OCA2: variants seen among roughly 807,000 people sequenced by gnomAD.
OCA2 encodes OCA2 melanosomal transmembrane protein, also known as P protein.
In OCA2, 77 loss-of-function variants were observed where a neutral mutation model predicts 100.2. The ratio of observed to expected loss-of-function variants is 0.77; its 90% CI spans 0.64 to 0.93. OCA2 has a LOEUF of 0.93. Ranked by LOEUF, OCA2 falls within the 40% of genes least tolerant of loss-of-function variation. The pLI is 0.00. For missense variants in OCA2, 1,062 were observed against 1,089.1 expected, an observed-to-expected ratio of 0.98 and a Z score of 0.35; for synonymous variants, 432 against 439.2, an observed-to-expected ratio of 0.98 and a Z score of 0.21.
At chr15:27,971,734 GT>G (rs1471500866) in intron 14 of OCA2, among the ~76,000 whole-genome samples, 1 of 152,212 alleles carries the variant, frequency 6.6e-6, no homozygotes, top group Non-Finnish European at 1.5e-5. Context: ...ATGTGGACGA[GT>G]TTTCAGATGT....
chr15:28,008,343 A>G (rs1031595518), intron 9 of OCA2, among the ~76,000 whole-genome samples: 1 of 152,246 alleles, frequency 6.6e-6, no homozygotes, highest in Admixed American at 6.5e-5. Context: ...AATTTAGCCT[A>G]AATACTTGTC....
At chr15:28,019,027 T>C (rs1295462294) in intron 6 of OCA2, among the ~76,000 whole-genome samples, 1 of 152,218 alleles carries the variant, frequency 6.6e-6, no homozygotes, top group Non-Finnish European at 1.5e-5. Context: ...GTATGCCTTT[T>C]TCTTGTTAAC....
intron 23 of OCA2, 41 bp from the exon 24 acceptor site, chr15:27,755,513 G>C (rs1482942490): frequency 6.6e-7 from 1 of 1,509,574 alleles, no homozygotes. Flanking sequence ...TCTGAAATCT[G>C]GATAATCTCA....
intron 14 of OCA2, among the ~76,000 whole-genome samples, chr15:27,978,060 G>A (rs2041026753): frequency 6.6e-6 from 1 of 152,232 alleles, no homozygotes; most frequent in East Asian, 1.9e-4. Flanking sequence ...TTTGACCCTT[G>A]GATTACTGAA....
At chr15:27,845,076 A>C in intron 22 of OCA2, 24 bp from the exon 23 acceptor site, 1 of 1,561,262 alleles carries the variant, frequency 6.4e-7, no homozygotes. Flanking sequence ...TTAAAAACAA[A>C]ATCCCAGTTC....
At chr15:27,794,151 T>C (rs992673968) in intron 23 of OCA2, among the ~76,000 whole-genome samples, 8 of 152,326 alleles carry the variant, frequency 5.3e-5, no homozygotes, top group Admixed American at 6.5e-5. Flanking sequence ...TCAGCACCTC[T>C]GCATCAGGAA....
intron 23 of OCA2, among the ~76,000 whole-genome samples, chr15:27,836,773 G>GCT (rs1224942992): frequency 6.6e-6 from 1 of 152,176 alleles, no homozygotes; most frequent in Non-Finnish European, 1.5e-5. Flanking sequence ...GAATCACACT[G>GCT]AACAAAGCCA....
At chr15:27,822,355 A>G (rs2034539975) in intron 23 of OCA2, among the ~76,000 whole-genome samples, 1 of 152,160 alleles carries the variant, frequency 6.6e-6, no homozygotes, top group South Asian at 2.1e-4. Flanking sequence ...CCATGCTGCT[A>G]TATATTGTAT....
At chr15:28,033,465 G>A (rs2042965460) in intron 2 of OCA2, among the ~76,000 whole-genome samples, 1 of 152,172 alleles carries the variant, frequency 6.6e-6, no homozygotes, top group East Asian at 1.9e-4. Flanking sequence ...GACTTCTGTG[G>A]ATGAATAAAA....
At chr15:28,094,916 G>A (rs1454395139) in intron 1 of OCA2, among the ~76,000 whole-genome samples, 2 of 152,246 alleles carry the variant, frequency 1.3e-5, no homozygotes, top group Non-Finnish European at 1.5e-5. Flanking sequence ...AGGGCGCGGC[G>A]CCGGGCGTGG....
intron 19 of OCA2, chr15:27,896,079 T>C (rs2151621657): frequency 8.4e-7 from 1 of 1,188,072 alleles, no homozygotes; most frequent in East Asian, 2.3e-5. Context: ...TGGCAAGGAA[T>C]ACAATGTGGA....
At chr15:27,757,152 G>A (rs1167854313) in intron 23 of OCA2, among the ~76,000 whole-genome samples, 1 of 152,198 alleles carries the variant, frequency 6.6e-6, no homozygotes, top group African/African-American at 2.4e-5. Flanking sequence ...GCTTGCCTGG[G>A]TCTCTCAGCT....
intron 22 of OCA2, among the ~76,000 whole-genome samples, chr15:27,846,283 A>C (rs1248047896): frequency 6.6e-6 from 1 of 152,060 alleles, no homozygotes. Context: ...ACCCTTGCCA[A>C]GCCATCTAAT....
rs552378834 is a variant in OCA2 at position 27,978,384 on chromosome 15, A to G, written c.1503+4961T>C. Among the ~76,000 whole-genome samples the G allele has an allele frequency of 4.6e-5, 7 of 152,308 alleles. No individual in the cohort carries two copies. In the South Asian group the frequency reaches 1.5e-3, roughly 32 times the overall value. On this transcript the variant is annotated intron_variant, in intron 14 of 23. Transcript: ENST00000354638. ...ACTTGTTCTTTCAATTATTGTGAGAATTGTACTGAACTCTCCAACTATAAT... is the reference window on the plus strand; with the variant it reads ...ACTTGTTCTTTCAATTATTGTGAGAGTTGTACTGAACTCTCCAACTATAAT...
chr15:27,748,737 T>C, the OCA2 span, among the ~76,000 whole-genome samples: 1 of 152,150 alleles, frequency 6.6e-6, no homozygotes, highest in African/African-American at 2.4e-5. Context: ...TGACAAGGAT[T>C]CTAAAGCCTA....
At chr15:27,864,063 G>A (rs529006425) in intron 21 of OCA2, among the ~76,000 whole-genome samples, 9 of 152,198 alleles carry the variant, frequency 5.9e-5, no homozygotes, top group South Asian at 2.1e-4. Flanking sequence ...CTTCTGGGCC[G>A]GCAGTGCCCC....
rs114071906 is a variant in OCA2 at position 27,810,180 on chromosome 15, C to G, written c.2432+34779G>C. ...CTGGTATAAAAGTAGGCACATAGAC[C>G]AATGAAAGTCAGAAATAAAGCCAAA... On this transcript the variant is annotated intron_variant, in intron 23 of 23. Coordinates refer to ENST00000354638, the MANE Select transcript of OCA2 (RefSeq NM_000275.3). Among the ~76,000 whole-genome samples, 881 of 152,170 alleles carry G rather than the reference C, an allele frequency of 5.8e-3. 15 individuals carry two copies. The highest frequency in any genetic ancestry group is 0.02 in the African/African-American group (824 of 41,516).
At chr15:27,944,904 G>A (rs2039778737) in intron 18 of OCA2, among the ~76,000 whole-genome samples, 1 of 152,176 alleles carries the variant, frequency 6.6e-6, no homozygotes. Flanking sequence ...TACCTCAGCA[G>A]TGGGCAAGAG....
chr15:27,864,844 T>C (rs1403499393), intron 21 of OCA2, among the ~76,000 whole-genome samples: 1 of 151,930 alleles, frequency 6.6e-6, no homozygotes, highest in African/African-American at 2.4e-5. Flanking sequence ...TCTCAGTCAT[T>C]ATGCTGTTTC....
Sources: gnomAD v4.1 joint callset for allele counts (sites outside exome capture counted in the v4.1 genomes callset) on GRCh38, gnomAD v4.1.1 for gene constraint, MANE v1.5 for transcripts, NCBI Gene and HGNC (gene_info 2026-07-23, HGNC 2026-07-21) for gene names.